Variants in ACSM1 observed in about 807,000 individuals in gnomAD.
ACSM1 encodes acyl-coenzyme A synthetase ACSM1, mitochondrial.
Under a neutral mutation model 75.8 loss-of-function variants are expected in ACSM1, and 79 were observed. The observed-to-expected ratio is 1.04, with a 90% CI of 0.87 to 1.26. ACSM1 has a LOEUF of 1.26. Among genes scored for constraint, ACSM1 ranks in the 50% most tolerant of loss-of-function variants. The probability of loss-of-function intolerance (pLI) is 0.00; values close to 1 mark genes in which losing one functional copy is unlikely to be tolerated. For missense variants in ACSM1, 676 were observed against 720.1 expected, an observed-to-expected ratio of 0.94 and a Z score of 0.70; for synonymous variants, 279 against 265.8, an observed-to-expected ratio of 1.05 and a Z score of -0.48.
chr16:20,632,528 A>C (rs1001225194), intron 10 of ACSM1, among the ~76,000 whole-genome samples: 1 of 152,234 alleles, frequency 6.6e-6, no homozygotes, highest in Non-Finnish European at 1.5e-5. Flanking sequence ...ACTCATAAGG[A>C]GGTAAAATTA....
At chr16:20,625,908 A>G (rs1396130200) in intron 11 of ACSM1, among the ~76,000 whole-genome samples, 3 of 152,196 alleles carry the variant, frequency 2.0e-5, no homozygotes, top group Admixed American at 1.3e-4. Flanking sequence ...CTTTTATTAT[A>G]TATACTTAAG....
intron 7 of ACSM1, among the ~76,000 whole-genome samples, chr16:20,642,096 T>C (rs1381676389): frequency 3.3e-5 from 5 of 152,158 alleles, no homozygotes; most frequent in Non-Finnish European, 7.4e-5. Flanking sequence ...GGGAGAGAAA[T>C]TGACAGAGAT....
At chr16:20,627,067 G>C in intron 11 of ACSM1, 122 bp downstream of exon 11, 2 of 1,313,750 alleles carry the variant, frequency 1.5e-6, no homozygotes, top group Non-Finnish European at 2.0e-6. Flanking sequence ...GGGCACCATA[G>C]ACACGGCTCT....
chr16:20,652,385 G>A (rs539082435), intron 7 of ACSM1, among the ~76,000 whole-genome samples: 1 of 151,520 alleles, frequency 6.6e-6, no homozygotes. Context: ...AGGGAAACCA[G>A]GAAATAAGAG....
intron 2 of ACSM1, among the ~76,000 whole-genome samples, chr16:20,686,344 TC>T (rs2079553518): frequency 1.3e-5 from 2 of 152,040 alleles, no homozygotes; most frequent in Non-Finnish European, 2.9e-5. Context: ...TGAAATAGCT[TC>T]ATGGGAGGTC....
chr16:20,630,150 G>A (rs1333654148), intron 10 of ACSM1, among the ~76,000 whole-genome samples: 3 of 146,510 alleles, frequency 2.0e-5, no homozygotes, highest in South Asian at 4.3e-4. Context: ...TCAGAGTTTC[G>A]CTCTTGTTGC....
intron 4 of ACSM1, among the ~76,000 whole-genome samples, chr16:20,672,448 C>CAAAAAAAAAAAA (rs528742963): frequency 4.6e-5 from 1 of 21,924 alleles, no homozygotes; most frequent in African/African-American, 2.6e-4. Context: ...AACTCCATCT[C>CAAAAAAAAAAAA]AAAAAAAAAA....
chr16:20,668,518 T>C (rs1031161923), intron 6 of ACSM1, among the ~76,000 whole-genome samples: 15 of 152,216 alleles, frequency 9.9e-5, no homozygotes, highest in African/African-American at 3.4e-4. Flanking sequence ...GAAGTGCAGT[T>C]TGATGTTCTG....
intron 12 of ACSM1, 51 bp downstream of exon 12, chr16:20,625,372 T>A (rs1407394175): frequency 6.4e-7 from 1 of 1,571,854 alleles, no homozygotes; most frequent in South Asian, 1.1e-5. Flanking sequence ...CCCCTGCACC[T>A]GCTTTCCTAG....
intron 11 of ACSM1, among the ~76,000 whole-genome samples, chr16:20,626,987 T>C (rs1206305166): frequency 1.3e-5 from 2 of 152,084 alleles, no homozygotes; most frequent in African/African-American, 4.8e-5. Flanking sequence ...CCAGACCCTC[T>C]TGAATTTCAT....
At chr16:20,661,713 C>G in intron 7 of ACSM1, 81 bp downstream of exon 7, 3 of 1,061,756 alleles carry the variant, frequency 2.8e-6, no homozygotes, top group Non-Finnish European at 4.3e-6. Context: ...CCTCAAAGAA[C>G]CAGAAGAAAA....
At chr16:20,665,221 AAAG>A (rs2152264377) in intron 6 of ACSM1, among the ~76,000 whole-genome samples, 1 of 152,278 alleles carries the variant, frequency 6.6e-6, no homozygotes, top group African/African-American at 2.4e-5. Context: ...TTGTTTTTCA[AAAG>A]AATAAACAAT....
Position 20,631,194 on chromosome 16 carries a change from T to G in ACSM1, c.1300-3878A>C, listed in dbSNP as rs577171558. Among the ~76,000 whole-genome samples the G allele has an allele frequency of 3.3e-5, 5 of 152,306 alleles. No individual in the cohort carries two copies. In the East Asian group the frequency reaches 9.7e-4, roughly 29 times the overall value. On this transcript the variant is annotated intron_variant, in intron 10 of 13. Transcript: ENST00000520010. ...AAATTTGGTGTCTGGTGAGGCTTCA[T>G]AGATGGCTGTCTTCTTGATGGGGCC...
intron 8 of ACSM1, among the ~76,000 whole-genome samples, chr16:20,640,002 A>C (rs1272483849): frequency 6.6e-6 from 1 of 152,220 alleles, no homozygotes; most frequent in Non-Finnish European, 1.5e-5. Flanking sequence ...CAAGATCGTT[A>C]CTGTCAAACA....
At chr16:20,641,682 T>C (rs1162443612) in intron 7 of ACSM1, among the ~76,000 whole-genome samples, 1 of 152,214 alleles carries the variant, frequency 6.6e-6, no homozygotes, top group Non-Finnish European at 1.5e-5. Context: ...GGTCCCACTT[T>C]ACTTCTCAAA....
At chr16:20,655,157 C>G (rs1365679260) in intron 7 of ACSM1, among the ~76,000 whole-genome samples, 1 of 149,476 alleles carries the variant, frequency 6.7e-6, no homozygotes, top group Non-Finnish European at 1.5e-5. Flanking sequence ...GACAAAAAAC[C>G]AAACACTGCA....
At chr16:20,653,450 G>A (rs1311771847) in intron 7 of ACSM1, among the ~76,000 whole-genome samples, 2 of 152,144 alleles carry the variant, frequency 1.3e-5, no homozygotes, top group Admixed American at 1.3e-4. Context: ...ATTAGGAAAA[G>A]AGGAAGTCAA....
intron 7 of ACSM1, among the ~76,000 whole-genome samples, chr16:20,650,616 A>G (rs1392390598): frequency 2.0e-5 from 3 of 151,814 alleles, no homozygotes; most frequent in African/African-American, 7.3e-5. Flanking sequence ...AGCAGCATGC[A>G]CTGATCCACC....
intron 1 of ACSM1, 103 bp downstream of exon 1, chr16:20,697,533 A>G (rs1234474612): frequency 6.6e-6 from 1 of 150,384 alleles, no homozygotes; most frequent in Non-Finnish European, 1.5e-5. Flanking sequence ...TAAAAGTAGC[A>G]TTGCCAGAAC....
Sources: allele counts gnomAD v4.1 joint callset (sites outside exome capture counted in the v4.1 genomes callset), GRCh38; gene constraint gnomAD v4.1.1; transcripts MANE v1.5; gene names NCBI Gene and HGNC (gene_info 2026-07-23, HGNC 2026-07-21).